The following SACM1L variants were observed in gnomAD, a reference collection of about 807,000 sequenced individuals.
SACM1L encodes the protein SAC1 like phosphatidylinositide phosphatase.
A neutral mutation model predicts 89.5 loss-of-function variants in SACM1L; 32 were observed. The ratio of observed to expected loss-of-function variants is 0.36; its 90% CI spans 0.27 to 0.48. The LOEUF is 0.48. Ranked by LOEUF, SACM1L falls within the 20% of genes least tolerant of loss-of-function variation. The probability of loss-of-function intolerance (pLI) is 0.99; values close to 1 mark genes in which losing one functional copy is unlikely to be tolerated. For synonymous variants in SACM1L, 213 were observed against 232.8 expected, an observed-to-expected ratio of 0.92 and a Z score of 0.77; for missense variants, 543 against 708.5, an observed-to-expected ratio of 0.77 and a Z score of 2.65.
At chr3:45,731,488 TC>T in intron 12 of SACM1L, 108 bp downstream of exon 12, 1 of 582,802 alleles carries the variant, frequency 1.7e-6, no homozygotes, top group South Asian at 3.2e-5. Context: ...TGCATTTTTT[TC>T]AATAGTAGAT....
At chr3:45,723,202 T>G (rs1157323723) in intron 10 of SACM1L, among the ~76,000 whole-genome samples, 2 of 152,150 alleles carry the variant, frequency 1.3e-5, no homozygotes, top group Admixed American at 6.5e-5. Context: ...TCAGTAAGAT[T>G]TGTAACTTTA....
chr3:45,697,091 C>T (rs181494191), intron 1 of SACM1L, among the ~76,000 whole-genome samples: 3 of 151,746 alleles, frequency 2.0e-5, no homozygotes, highest in African/African-American at 7.2e-5. Flanking sequence ...ATTTGTATAC[C>T]CCTGTTCATA....
chr3:45,735,207 TGA>T lies in SACM1L; in HGVS notation c.1101-24_1101-23del. The T allele has an allele frequency of 2.5e-6, 4 of 1,587,822 alleles. No homozygotes were observed. In the South Asian group the frequency reaches 3.5e-5, roughly 14 times the overall value. On this transcript the variant is annotated intron_variant, in intron 13 of 19. Coordinates refer to ENST00000389061, the MANE Select transcript of SACM1L (RefSeq NM_014016.5). The stretch of plus-strand genomic sequence containing the variant: ...TTAGTAAATCTGACCTACTTTGGTA[TGA>T]GAGTGTTTATACAAATATGTTTTAG...
rs970278843 is a variant in SACM1L at position 45,732,147 on chromosome 3, T to A, written c.1096T>A (p.Leu366Ile). The change falls in exon 13 of 20, where the codon TTA (leucine) becomes ATA (isoleucine). Residue 366 changes from leucine to isoleucine, a missense_variant. Leu to Ile is a conservative substitution (Grantham distance 5). Around this residue, in one of 2 missense-constraint regions of SACM1L, gnomAD observed 370 missense variants for 527.6 expected, o/e 0.70. Coordinates refer to ENST00000389061, the MANE Select transcript of SACM1L (RefSeq NM_014016.5). ...TCAGGTAGCAGAAATGCAAGATGAA[T>A]TAAGGTAAGCTATATTATTTCCTTA... is the stretch of plus-strand genomic sequence containing the variant. ...LDQVAEMQDE[L>I]SYFLVDSAGQ... 6 of 1,586,098 alleles carry A rather than the reference T, an allele frequency of 3.8e-6. No individual in the cohort carries two copies. The highest frequency in any genetic ancestry group is 5.2e-6 in the Non-Finnish European group (6 of 1,160,860).
intron 1 of SACM1L, among the ~76,000 whole-genome samples, chr3:45,702,664 T>TCAGTCCCTCACCATGCTGAC (rs1698301920): frequency 6.6e-6 from 1 of 152,186 alleles, no homozygotes; most frequent in African/African-American, 2.4e-5. Flanking sequence ...ATATCCTGAG[T>TCAGTCCCTCACCATGCTGAC]CAGTCCCTCA....
intron 19 of SACM1L, 177 bp downstream of exon 19, chr3:45,739,821 G>C: frequency 6.3e-6 from 4 of 639,130 alleles, no homozygotes; most frequent in Non-Finnish European, 1.1e-5. Flanking sequence ...ATACCTAGTA[G>C]TTTGATGGTT....
intron 1 of SACM1L, among the ~76,000 whole-genome samples, chr3:45,699,333 A>G (rs1344649983): frequency 2.0e-5 from 3 of 151,242 alleles, no homozygotes; most frequent in African/African-American, 4.8e-5. Context: ...TGGTAAAAAT[A>G]AAAAAATAAA....
intron 1 of SACM1L, among the ~76,000 whole-genome samples, chr3:45,696,521 T>G (rs1698131797): frequency 6.6e-6 from 1 of 152,206 alleles, no homozygotes; most frequent in African/African-American, 2.4e-5. Context: ...ATTCTATTTT[T>G]AATTTTTAAT....
chr3:45,744,333 G>C lies in SACM1L; in HGVS notation c.*664G>C, dbSNP rs1699379660. ...AGTTTAGGTGTGATGAGAGAATTCA[G>C]ATATACTTTATCTTTTTAAAAAAGT... is the stretch of plus-strand genomic sequence containing the variant. On this transcript the variant is annotated 3_prime_UTR_variant, in exon 20 of 20. Coordinates refer to ENST00000389061, the MANE Select transcript of SACM1L (RefSeq NM_014016.5). 1.3e-5 allele frequency: 2 copies of C among 152,498 alleles called. No individual in the cohort carries two copies. Among genetic ancestry groups the C allele is most frequent in the African/African-American group, 4.8e-5 (2 of 41,430 alleles). 9.4% of individuals were successfully genotyped at this position (152,498 alleles called of 1,614,324 possible). A position where few individuals can be genotyped will look rare whatever the true frequency, so the allele number is the denominator to read the frequency against.
At chr3:45,706,356 A>G (rs1261948811) in intron 3 of SACM1L, among the ~76,000 whole-genome samples, 2 of 152,202 alleles carry the variant, frequency 1.3e-5, no homozygotes, top group Non-Finnish European at 2.9e-5. Flanking sequence ...AGAGACATGA[A>G]GGACATAGGA....
intron 14 of SACM1L, chr3:45,737,303 C>G (rs939337853): frequency 1.1e-4 from 45 of 397,740 alleles, no homozygotes; most frequent in African/African-American, 9.2e-4. Context: ...TAGCAGCTTT[C>G]ACTCTCTCTT....
rs1284696459 is a variant in SACM1L at position 45,732,159 on chromosome 3, A to G, written c.1100+8A>G. 8 of 1,539,506 alleles carry G rather than the reference A, an allele frequency of 5.2e-6. 1 individual carries two copies. Among genetic ancestry groups the G allele is most frequent in the South Asian group, 4.7e-5 (4 of 85,826 alleles). ...AATGCAAGATGAATTAAGGTAAGCT[A>G]TATTATTTCCTTAAGGAGGTAGAGG... is the stretch of plus-strand genomic sequence containing the variant. On this transcript the variant is annotated splice_region_variant and intron_variant, in intron 13 of 19. Transcript: ENST00000389061.
chr3:45,719,511 C>A lies in SACM1L; in HGVS notation c.589C>A (p.His197Asn). The A allele has an allele frequency of 6.3e-7, 1 of 1,588,412 alleles. No individual in the cohort carries two copies. Among genetic ancestry groups the A allele is most frequent in the Non-Finnish European group, 8.6e-7 (1 of 1,160,822 alleles). Residue 197 changes from histidine (H) to asparagine (N), a missense_variant, in exon 8 of 20, where the codon CAT (histidine) becomes AAT (asparagine). This residue lies in a region of SACM1L where 370 missense variants were observed against 527.6 expected (regional missense o/e 0.70). Coordinates refer to ENST00000389061, the MANE Select transcript of SACM1L (RefSeq NM_014016.5). ...TTAATGTGGTTAAGTTATTACCATG[C>A]ATTCATGTTCTATTAATGGAAAATA... ...LPVLHGFITM[H>N]SCSINGKYFD...
intron 4 of SACM1L, among the ~76,000 whole-genome samples, chr3:45,708,789 T>C (rs1234691657): frequency 6.6e-6 from 1 of 152,206 alleles, no homozygotes; most frequent in South Asian, 2.1e-4. Context: ...ATTTGTAACA[T>C]GTAGATTAAC....
At position 45,706,811 on chromosome 3, in the gene SACM1L, A is replaced by G. The variant is rs759072871; in HGVS notation, c.237A>G (p.Ile79Met). The G allele has an allele frequency of 6.2e-7, 1 of 1,611,412 alleles. No individual in the cohort carries two copies. The highest frequency in any genetic ancestry group is 1.7e-5 in the Admixed American group (1 of 59,716). ...ATCTTATAGTCATTACCAAAAAGAT[A>G]AAAGTAGGTGAATTTTTCAGTCATG... is the stretch of plus-strand genomic sequence containing the variant. ...GNYLIVITKK[I>M]KVGEFFSHVV... The change falls in exon 4 of 20, where the codon ATA (isoleucine) becomes ATG (methionine). Residue 79 changes from isoleucine to methionine, a missense_variant. This residue lies in a region of SACM1L where 173 missense variants were observed against 180.9 expected (regional missense o/e 0.96). Coordinates refer to ENST00000389061, the MANE Select transcript of SACM1L (RefSeq NM_014016.5).
At chr3:45,742,931 C>G (rs982523017) in intron 19 of SACM1L, 1 of 152,230 alleles carries the variant, frequency 6.6e-6, no homozygotes, top group Admixed American at 6.5e-5. Flanking sequence ...TGAATAGCCA[C>G]TGCACTCTAG....
rs1041307588 is a variant in SACM1L at position 45,705,420 on chromosome 3, T to G, written c.205+211T>G. ...GAGCTTCTATTATTTAAAAAAAAGT[T>G]TTGTATTTTGTTGTGTTTCAGTTAG... On this transcript the variant is annotated intron_variant, in intron 3 of 19. Transcript: ENST00000389061. Among the ~76,000 whole-genome samples, 3 of 152,198 alleles carry G rather than the reference T, an allele frequency of 2.0e-5. No homozygotes were observed. The South Asian group carries it at 6.2e-4, about 32-fold the overall frequency.
intron 11 of SACM1L, among the ~76,000 whole-genome samples, chr3:45,729,375 A>G (rs1271142958): frequency 6.6e-6 from 1 of 152,122 alleles, no homozygotes; most frequent in African/African-American, 2.4e-5. Flanking sequence ...GTGAGCTACT[A>G]TGCCCAGCCT....
At chr3:45,739,457 C>T (rs1699270595) in intron 18 of SACM1L, 130 bp from the exon 19 acceptor site, 2 of 815,074 alleles carry the variant, frequency 2.5e-6, no homozygotes, top group Admixed American at 1.9e-5. Flanking sequence ...GTTTTGTTGA[C>T]AAAAGATATT....
Sources: allele counts gnomAD v4.1 joint callset (sites outside exome capture counted in the v4.1 genomes callset), GRCh38; gene constraint gnomAD v4.1.1; regional missense constraint gnomAD v4.1.1; transcripts MANE v1.5; gene names NCBI Gene and HGNC (gene_info 2026-07-23, HGNC 2026-07-21).